CCDC85C: variants seen among roughly 807,000 people sequenced by gnomAD.
The protein encoded by CCDC85C is coiled-coil domain containing 85C.
In CCDC85C, 18 loss-of-function variants were observed where a neutral mutation model predicts 38.3. The observed-to-expected ratio is 0.47, with a 90% CI of 0.33 to 0.70. CCDC85C has a LOEUF of 0.70. Ranked by LOEUF, CCDC85C falls within the 30% of genes least tolerant of loss-of-function variation. The pLI, the probability that CCDC85C is intolerant of heterozygous loss-of-function variation, is 0.03. For synonymous variants in CCDC85C, 264 were observed against 293.8 expected (o/e 0.90, Z 1.04); for missense variants, 566 against 621.2 (o/e 0.91, Z 0.94).
rs767289274 is a variant in CCDC85C, at chr14:99,500,612, ATG to A, written c.*14632_*14633del. The A allele has an allele frequency of 3.2e-6, 2 of 625,736 alleles. No individual in the cohort carries two copies. Among genetic ancestry groups the A allele is most frequent in the Non-Finnish European group, 5.7e-6 (2 of 350,086 alleles). The allele number at this position is 625,736 out of a possible 1,614,324, so 38.8% of individuals were successfully genotyped here. On this transcript the variant is annotated 3_prime_UTR_variant, in exon 6 of 6. Transcript: ENST00000380243. ...TCAGAATTTATCAGTGTCTCTGAGCATGTTAAAAGTCTGAGTGGGAGAGAAAG... is the reference window on the plus strand; with the variant it reads ...TCAGAATTTATCAGTGTCTCTGAGCATTAAAAGTCTGAGTGGGAGAGAAAG...
intron 2 of CCDC85C, chr14:99,534,647 G>A (rs907456587): frequency 1.4e-6 from 1 of 702,226 alleles, no homozygotes; most frequent in Non-Finnish European, 2.6e-6. Flanking sequence ...TTCTCCTGGT[G>A]TCACTTCTGC....
rs112672000 is a variant in CCDC85C, at chr14:99,597,978, G to A, written c.793+5189C>T. On this transcript the variant is annotated intron_variant, in intron 1 of 5. Coordinates refer to ENST00000380243, the MANE Select transcript of CCDC85C (RefSeq NM_001144995.2). ...ATAGATGAAGAAACTGAGGCTTAGA[G>A]GTTCAGTAAGCTGCCACGGCCATAA... Among the ~76,000 whole-genome samples, 27 of 152,362 alleles carry A rather than the reference G, an allele frequency of 1.8e-4. 1 individual carries two copies. Among genetic ancestry groups the A allele is most frequent in the South Asian group, 1.7e-3 (8 of 4,830 alleles).
At chr14:99,549,829 T>C (rs1325499137) in intron 1 of CCDC85C, among the ~76,000 whole-genome samples, 1 of 152,200 alleles carries the variant, frequency 6.6e-6, no homozygotes, top group East Asian at 1.9e-4. Context: ...GGAGGACACA[T>C]TCTTCCAGCC....
At chr14:99,585,172 TA>T (rs1390366559) in intron 1 of CCDC85C, among the ~76,000 whole-genome samples, 1 of 152,186 alleles carries the variant, frequency 6.6e-6, no homozygotes, top group African/African-American at 2.4e-5. Flanking sequence ...CACATGCCGA[TA>T]ACCAATAACA....
chr14:99,558,706 G>T lies in CCDC85C; in HGVS notation c.794-22618C>A, dbSNP rs1898057099. 6.6e-6 allele frequency among the ~76,000 whole-genome samples: 1 copy of T among 152,208 alleles called. No individual in the cohort carries two copies. The highest frequency in any genetic ancestry group is 2.4e-5 in the African/African-American group (1 of 41,454). ...AAAAGGGCAAATGGAAACAGAGGAG[G>T]CCGGATGGAAAGAAAGGCAGACATG... On this transcript the variant is annotated intron_variant, in intron 1 of 5. Transcript: ENST00000380243. This position sits in a 1 kb window ranked among gnomAD's most constrained non-coding sequence, Gnocchi z 4.2.
chr14:99,525,289 C>T (rs1023781435), intron 2 of CCDC85C, among the ~76,000 whole-genome samples: 15 of 152,312 alleles, frequency 9.8e-5, no homozygotes, highest in Middle Eastern at 3.4e-3. Context: ...AGGGGAACCC[C>T]GTCCTGCAGC....
At chr14:99,599,485 G>C (rs1402470026) in intron 1 of CCDC85C, among the ~76,000 whole-genome samples, 1 of 152,178 alleles carries the variant, frequency 6.6e-6, no homozygotes. Flanking sequence ...AGTTCATGAA[G>C]GAGAACCTGA....
Position 99,587,207 on chromosome 14 carries a change from C to T in CCDC85C, c.793+15960G>A, listed in dbSNP as rs535684265. On this transcript the variant is annotated intron_variant, in intron 1 of 5. Coordinates refer to ENST00000380243, the MANE Select transcript of CCDC85C (RefSeq NM_001144995.2). Reference sequence around the variant, plus strand: ...TCAGGACAGAGATACAGGGTGCTGGCACATGATCCCAGGCAGCCCCTGCCT... The same window carrying T: ...TCAGGACAGAGATACAGGGTGCTGGTACATGATCCCAGGCAGCCCCTGCCT... Among the ~76,000 whole-genome samples, 413 of 152,326 alleles carry T rather than the reference C, an allele frequency of 2.7e-3. 2 individuals are homozygous for T. The highest frequency in any genetic ancestry group is 9.3e-3 in the African/African-American group (386 of 41,574).
rs1162495308 is a variant in CCDC85C, at chr14:99,572,641, T to C, written c.793+30526A>G. Reference sequence around the variant, plus strand: ...TTCCAGGGACGACAGCTGCTTATCATCCAAGCCCCAGGTGACCTGGCCCCT... The same window carrying C: ...TTCCAGGGACGACAGCTGCTTATCACCCAAGCCCCAGGTGACCTGGCCCCT... On this transcript the variant is annotated intron_variant, in intron 1 of 5. Coordinates refer to ENST00000380243, the MANE Select transcript of CCDC85C (RefSeq NM_001144995.2). The surrounding 1 kb of genome is among the most constrained non-coding windows in gnomAD (Gnocchi z 4.4). The C allele has an allele frequency of 4.4e-6, 2 of 455,200 alleles. No individual in the cohort carries two copies. Among genetic ancestry groups the C allele is most frequent in the Non-Finnish European group, 8.8e-6 (2 of 226,334 alleles). The allele number at this position is 455,200 out of a possible 1,614,324, so 28.2% of individuals were successfully genotyped here. A position where few individuals can be genotyped will look rare whatever the true frequency, so the allele number is the denominator to read the frequency against.
At chr14:99,546,062 G>T (rs544430667) in intron 1 of CCDC85C, among the ~76,000 whole-genome samples, 12 of 152,054 alleles carry the variant, frequency 7.9e-5, no homozygotes, top group South Asian at 4.1e-4. Context: ...CTGCATGGGG[G>T]GGGGGAATAA....
At chr14:99,563,349 C>G (rs1461636676) in intron 1 of CCDC85C, among the ~76,000 whole-genome samples, 1 of 152,282 alleles carries the variant, frequency 6.6e-6, no homozygotes, top group Non-Finnish European at 1.5e-5. Flanking sequence ...AGGGAGCAGC[C>G]TCTGCAAGGC....
chr14:99,566,171 A>C (rs1898211909), intron 1 of CCDC85C, among the ~76,000 whole-genome samples: 1 of 152,196 alleles, frequency 6.6e-6, no homozygotes, highest in Non-Finnish European at 1.5e-5. Context: ...CTTGAAAAGG[A>C]AACTGGTCTT....
intron 1 of CCDC85C, among the ~76,000 whole-genome samples, chr14:99,564,873 G>T (rs1275882252): frequency 2.0e-5 from 3 of 152,216 alleles, no homozygotes; most frequent in Non-Finnish European, 4.4e-5. Context: ...ACTGGACACG[G>T]GTGGGGAGGG....
At chr14:99,566,772 C>T (rs538971439) in intron 1 of CCDC85C, among the ~76,000 whole-genome samples, 3 of 152,354 alleles carry the variant, frequency 2.0e-5, no homozygotes, top group East Asian at 1.9e-4. Flanking sequence ...CACCCCATCA[C>T]GTGGTCCCTC....
chr14:99,500,763 T>G lies in CCDC85C; in HGVS notation c.*14483A>C. ...TGTCCTAACATTTGTGATTGATTTT[T>G]AGGAGGAAGTAATGGTTCTGGAGAG... On this transcript the variant is annotated 3_prime_UTR_variant, in exon 6 of 6. Transcript: ENST00000380243. 2 of 1,541,660 alleles carry G rather than the reference T, an allele frequency of 1.3e-6. No homozygotes were observed. The highest frequency in any genetic ancestry group is 1.2e-5 in the South Asian group (1 of 83,962).
Position 99,515,325 on chromosome 14 carries a change from C to A in CCDC85C, c.1181G>T (p.Arg394Ile). 6.4e-7 allele frequency: 1 copy of A among 1,550,546 alleles called. No individual in the cohort carries two copies. Among genetic ancestry groups the A allele is most frequent in the Non-Finnish European group, 8.7e-7 (1 of 1,146,714 alleles). The change falls in exon 6 of 6, where the codon AGA becomes ATA. Residue 394 changes from arginine (R) to isoleucine (I), a missense_variant. Arg to Ile is a moderately conservative substitution (Grantham distance 97). This residue lies in a region of CCDC85C where 286 missense variants were observed against 276.4 expected (regional missense o/e 1.03). Coordinates refer to ENST00000380243, the MANE Select transcript of CCDC85C (RefSeq NM_001144995.2). ...GGAGCTGGCTGCATCTCCCAGCTTT[C>A]TCCAGACCACCTGTGGAGAGGAGAG... ...IVREMCNVVW[R>I]KLGDAASSKP...
In CCDC85C at chr14:99,533,801, G is replaced by A. The variant is rs115621333; in HGVS notation, c.867+2214C>T. Among the ~76,000 whole-genome samples the A allele has an allele frequency of 0.018, 2,757 of 152,328 alleles. 85 individuals are homozygous for A. The highest frequency in any genetic ancestry group is 0.062 in the African/African-American group (2,596 of 41,574). On this transcript the variant is annotated intron_variant, in intron 2 of 5. Coordinates refer to ENST00000380243, the MANE Select transcript of CCDC85C (RefSeq NM_001144995.2). This position sits in a 1 kb window ranked among gnomAD's most constrained non-coding sequence, Gnocchi z 4.2. ...CCACCTGTGCACAGGTGGGTGCAGG[G>A]CAGGTGGACACAGGTTATGGTGGAG...
At position 99,572,734 on chromosome 14, in the gene CCDC85C, GT is replaced by G. The variant is rs1235050799; in HGVS notation, c.793+30432del. 8.8e-6 allele frequency: 4 copies of G among 455,950 alleles called. No homozygotes were observed. Among genetic ancestry groups the G allele is most frequent in the African/African-American group, 8.0e-5 (4 of 50,070 alleles). 28.2% of individuals were successfully genotyped at this position (455,950 alleles called of 1,614,324 possible). ...CTAGCACTCACCAGGATATGAAACT[GT>G]CCCATCCATGGATTTGTTTGCCAGT... is the stretch of plus-strand genomic sequence containing the variant. On this transcript the variant is annotated intron_variant, in intron 1 of 5. Transcript: ENST00000380243. This position sits in a 1 kb window ranked among gnomAD's most constrained non-coding sequence, Gnocchi z 4.4.
intron 1 of CCDC85C, among the ~76,000 whole-genome samples, chr14:99,563,914 T>G (rs901491432): frequency 3.3e-5 from 5 of 152,046 alleles, no homozygotes; most frequent in Admixed American, 2.6e-4. Context: ...TCCTTGGCAA[T>G]GGAACCCTGG....
Sources: allele counts gnomAD v4.1 joint callset (sites outside exome capture counted in the v4.1 genomes callset), GRCh38; gene constraint gnomAD v4.1.1; regional missense constraint gnomAD v4.1.1; non-coding constraint Gnocchi (gnomAD v3.1); transcripts MANE v1.5; gene names NCBI Gene and HGNC (gene_info 2026-07-23, HGNC 2026-07-21).